UVRAG: variants seen among roughly 807,000 people sequenced by gnomAD.
UVRAG encodes UV radiation resistance-associated gene protein.
A neutral mutation model predicts 78.0 loss-of-function variants in UVRAG; 19 were observed. That is an observed-to-expected ratio of 0.24 (90% CI 0.17 to 0.36). The LOEUF is 0.36. UVRAG is among the 10% of genes least tolerant of loss of function. The pLI is 1.00. For missense variants in UVRAG, 740 were observed against 853.8 expected (o/e 0.87, Z 1.66); for synonymous variants, 323 against 324.6 (o/e 1.00, Z 0.05).
chr11:76,112,702 G>GT (rs1289070176), intron 13 of UVRAG, among the ~76,000 whole-genome samples: 5 of 150,910 alleles, frequency 3.3e-5, no homozygotes, highest in African/African-American at 4.9e-5. Flanking sequence ...GAGTTTTAAG[G>GT]TTTTTTATTC....
intron 2 of UVRAG, among the ~76,000 whole-genome samples, chr11:75,858,192 A>G (rs1193374458): frequency 6.6e-6 from 1 of 152,072 alleles, no homozygotes; most frequent in African/African-American, 2.4e-5. Flanking sequence ...ACAAAGGTTC[A>G]TATTAAGGCC....
chr11:75,927,135 T>G (rs1948126390), intron 6 of UVRAG, among the ~76,000 whole-genome samples: 1 of 150,852 alleles, frequency 6.6e-6, no homozygotes, highest in African/African-American at 2.4e-5. Flanking sequence ...AGTGGCGCAA[T>G]CTCGGGTCAC....
chr11:76,059,412 T>A (rs1951039838), intron 12 of UVRAG, among the ~76,000 whole-genome samples: 1 of 152,198 alleles, frequency 6.6e-6, no homozygotes, highest in Non-Finnish European at 1.5e-5. Context: ...GAACTGGCAT[T>A]AAGGATTCTG....
chr11:76,119,694 T>C (rs949578259), intron 14 of UVRAG, among the ~76,000 whole-genome samples: 11 of 152,190 alleles, frequency 7.2e-5, no homozygotes, highest in African/African-American at 2.7e-4. Context: ...AAAATACATA[T>C]CAATCTGTTC....
chr11:76,030,772 G>A (rs889497881), intron 12 of UVRAG, among the ~76,000 whole-genome samples: 19 of 152,060 alleles, frequency 1.2e-4, no homozygotes, highest in Non-Finnish European at 2.2e-4. Context: ...AACTTTCATC[G>A]TAAGCTCTTT....
At chr11:75,885,889 C>G (rs1258281067) in intron 4 of UVRAG, among the ~76,000 whole-genome samples, 1 of 152,008 alleles carries the variant, frequency 6.6e-6, no homozygotes, top group Non-Finnish European at 1.5e-5. Context: ...ATTTTTTAAT[C>G]AATGTTTTTT....
chr11:76,100,064 T>A (rs1387985636), intron 13 of UVRAG, among the ~76,000 whole-genome samples: 1 of 152,164 alleles, frequency 6.6e-6, no homozygotes, highest in East Asian at 1.9e-4. Flanking sequence ...ATTCCCAATT[T>A]GATAAACAAA....
chr11:76,127,462 G>A (rs965299189), intron 14 of UVRAG, among the ~76,000 whole-genome samples: 1 of 150,578 alleles, frequency 6.6e-6, no homozygotes, highest in Non-Finnish European at 1.5e-5. Context: ...GAGACCAGCT[G>A]ACCAACATGG....
intron 5 of UVRAG, among the ~76,000 whole-genome samples, chr11:75,892,044 T>C (rs1255694718): frequency 6.6e-6 from 1 of 152,244 alleles, no homozygotes; most frequent in Non-Finnish European, 1.5e-5. Context: ...AAAGGGCTTG[T>C]CGATTCCTTC....
At position 76,143,619 on chromosome 11, in the gene UVRAG, G is replaced by A. The variant is rs904818824; in HGVS notation, c.*2206G>A. Among the ~76,000 whole-genome samples the A allele has an allele frequency of 1.3e-5, 2 of 152,226 alleles. No homozygotes were observed. Among genetic ancestry groups the A allele is most frequent in the South Asian group, 2.1e-4 (1 of 4,832 alleles). ...CACCACTTAGGTTTGGGTTCGTTTA[G>A]TTCGAGTTTGGGGTTTTCATTTGAA... is the stretch of plus-strand genomic sequence containing the variant. On this transcript the variant is annotated 3_prime_UTR_variant, in exon 15 of 15. Transcript: ENST00000356136.
intron 5 of UVRAG, among the ~76,000 whole-genome samples, chr11:75,903,942 A>ACT (rs1319750302): frequency 6.6e-6 from 1 of 152,068 alleles, no homozygotes; most frequent in Non-Finnish European, 1.5e-5. Flanking sequence ...GCAGCTAAAA[A>ACT]CTCTCAAAAT....
intron 12 of UVRAG, among the ~76,000 whole-genome samples, chr11:76,052,438 C>A (rs1355438033): frequency 6.6e-6 from 1 of 152,184 alleles, no homozygotes; most frequent in Admixed American, 6.5e-5. Context: ...AGCTGCTGAG[C>A]TCCCCTCTCT....
At chr11:75,924,783 C>G (rs1399432709) in intron 6 of UVRAG, among the ~76,000 whole-genome samples, 1 of 152,106 alleles carries the variant, frequency 6.6e-6, no homozygotes. Context: ...ACTAGGACCT[C>G]TTATAGGCAA....
At chr11:75,895,471 T>C (rs1281685328) in intron 5 of UVRAG, among the ~76,000 whole-genome samples, 6 of 152,172 alleles carry the variant, frequency 3.9e-5, no homozygotes, top group Non-Finnish European at 8.8e-5. Flanking sequence ...CAGGAGTGTG[T>C]TGGACACTAC....
rs766245796 is a variant in UVRAG, at chr11:76,141,019, T to G, written c.1706T>G (p.Val569Gly). 6.2e-7 allele frequency: 1 copy of G among 1,614,134 alleles called. No homozygotes were observed. The highest frequency in any genetic ancestry group is 1.1e-5 in the South Asian group (1 of 91,078). ...KENKKKGEDL[V>G]GSLNGGHANV... ...AACAAGAAAAAAGGAGAGGATCTAG[T>G]TGGCAGCTTAAACGGAGGCCACGCG... Residue 569 changes from valine (V) to glycine (G), a missense_variant, in exon 15 of 15, where the codon GTT becomes GGT. Transcript: ENST00000356136.
intron 13 of UVRAG, among the ~76,000 whole-genome samples, chr11:76,068,076 C>A (rs191108742): frequency 6.6e-6 from 1 of 152,290 alleles, no homozygotes; most frequent in East Asian, 1.9e-4. Flanking sequence ...ACACAATATG[C>A]ACATGTGTAC....
chr11:76,009,745 T>G (rs1015807627), intron 11 of UVRAG, among the ~76,000 whole-genome samples: 1 of 152,090 alleles, frequency 6.6e-6, no homozygotes, highest in Non-Finnish European at 1.5e-5. Context: ...AAAAGGAGAG[T>G]GATAAACCAG....
At chr11:75,903,434 G>A (rs1038882126) in intron 5 of UVRAG, among the ~76,000 whole-genome samples, 1 of 152,068 alleles carries the variant, frequency 6.6e-6, no homozygotes, top group African/African-American at 2.4e-5. Flanking sequence ...CCCTCTCCAG[G>A]GATCCAAATA....
At chr11:76,099,416 G>T (rs1017549753) in intron 13 of UVRAG, among the ~76,000 whole-genome samples, 1 of 152,064 alleles carries the variant, frequency 6.6e-6, no homozygotes, top group Non-Finnish European at 1.5e-5. Flanking sequence ...ATTAATATTT[G>T]TAAAGTACTT....
Sources: allele counts gnomAD v4.1 joint callset (sites outside exome capture counted in the v4.1 genomes callset), GRCh38; gene constraint gnomAD v4.1.1; transcripts MANE v1.5; gene names NCBI Gene and HGNC (gene_info 2026-07-23, HGNC 2026-07-21).